The following ARHGAP15 variants were observed in gnomAD, a reference collection of about 807,000 sequenced individuals.
ARHGAP15 encodes rho GTPase-activating protein 15.
In ARHGAP15, 51 loss-of-function variants were observed where a neutral mutation model predicts 63.7. The observed-to-expected ratio is 0.80, with a 90% CI of 0.64 to 1.01. ARHGAP15 has a LOEUF of 1.01. Ranked by LOEUF, ARHGAP15 falls within the 50% of genes least tolerant of loss-of-function variation. The pLI is 0.00. For synonymous variants in ARHGAP15, 191 were observed against 193.8 expected, an observed-to-expected ratio of 0.99 and a Z score of 0.12; for missense variants, 560 against 564.6, an observed-to-expected ratio of 0.99 and a Z score of 0.08.
intron 8 of ARHGAP15, among the ~76,000 whole-genome samples, chr2:143,456,483 A>G (rs544319605): frequency 6.6e-6 from 1 of 152,230 alleles, no homozygotes; most frequent in Admixed American, 6.6e-5. Context: ...TCATAAAGTG[A>G]AAGCATTTCC....
chr2:143,611,062 C>T (rs1698236320), intron 11 of ARHGAP15, among the ~76,000 whole-genome samples: 1 of 152,120 alleles, frequency 6.6e-6, no homozygotes, highest in African/African-American at 2.4e-5. Flanking sequence ...CACTACTCCT[C>T]TAGAAACAAG....
intron 11 of ARHGAP15, among the ~76,000 whole-genome samples, chr2:143,606,524 T>A (rs1386266851): frequency 6.6e-6 from 1 of 152,224 alleles, no homozygotes; most frequent in African/African-American, 2.4e-5. Flanking sequence ...GATCTCTGCG[T>A]GCACTCAGCT....
At chr2:143,196,563 C>A (rs772644874) in intron 2 of ARHGAP15, among the ~76,000 whole-genome samples, 2 of 151,886 alleles carry the variant, frequency 1.3e-5, no homozygotes, top group Admixed American at 6.6e-5. Flanking sequence ...TCTTAATAAA[C>A]AGATCAGAGA....
chr2:143,277,861 CTG>C (rs1681638056), intron 6 of ARHGAP15, among the ~76,000 whole-genome samples: 1 of 152,032 alleles, frequency 6.6e-6, no homozygotes, highest in Admixed American at 6.6e-5. Flanking sequence ...TTTTTATACT[CTG>C]TGAGGAAATT....
intron 12 of ARHGAP15, among the ~76,000 whole-genome samples, chr2:143,693,265 G>GA (rs1390695759): frequency 2.6e-5 from 4 of 152,276 alleles, no homozygotes; most frequent in Non-Finnish European, 5.9e-5. Flanking sequence ...AGACCATTGA[G>GA]AAAATCCTCC....
At chr2:143,350,329 T>C (rs948087276) in intron 6 of ARHGAP15, among the ~76,000 whole-genome samples, 3 of 152,144 alleles carry the variant, frequency 2.0e-5, no homozygotes, top group Admixed American at 2.0e-4. Context: ...TTTCAACATC[T>C]GTAATAGTTA....
chr2:143,377,264 G>A (rs1686856006), intron 6 of ARHGAP15, among the ~76,000 whole-genome samples: 1 of 151,938 alleles, frequency 6.6e-6, no homozygotes, highest in Admixed American at 6.6e-5. Context: ...AAACTTTAGT[G>A]ATCATTTATT....
At chr2:143,613,836 C>T (rs1698355056) in intron 11 of ARHGAP15, among the ~76,000 whole-genome samples, 2 of 152,138 alleles carry the variant, frequency 1.3e-5, no homozygotes, top group Non-Finnish European at 1.5e-5. Context: ...GGACACACCA[C>T]CCCTCTTCTA....
At chr2:143,408,220 C>T (rs989055397) in intron 6 of ARHGAP15, among the ~76,000 whole-genome samples, 3 of 149,442 alleles carry the variant, frequency 2.0e-5, no homozygotes, top group African/African-American at 4.9e-5. Flanking sequence ...CTCCCTCTCT[C>T]CCTTCCTCCC....
chr2:143,341,143 A>T (rs1685041328), intron 6 of ARHGAP15, among the ~76,000 whole-genome samples: 1 of 152,070 alleles, frequency 6.6e-6, no homozygotes, highest in Non-Finnish European at 1.5e-5. Context: ...GTCCTGTCAC[A>T]TCATCCATTA....
At chr2:143,176,383 T>A (rs1406255543) in intron 2 of ARHGAP15, among the ~76,000 whole-genome samples, 1 of 152,150 alleles carries the variant, frequency 6.6e-6, no homozygotes, top group Non-Finnish European at 1.5e-5. Flanking sequence ...ATTTGCATCA[T>A]GTTATTAAAA....
Position 143,279,462 on chromosome 2 carries a change from C to CG in ARHGAP15, c.474+28865dup, listed in dbSNP as rs537220995. Among the ~76,000 whole-genome samples, 554 of 152,148 alleles carry CG rather than the reference C, an allele frequency of 3.6e-3. 3 individuals are homozygous for CG. The highest frequency in any genetic ancestry group is 0.012 in the African/African-American group (507 of 41,512). On this transcript the variant is annotated intron_variant, in intron 6 of 13. Coordinates refer to ENST00000295095, the MANE Select transcript of ARHGAP15 (RefSeq NM_018460.4). The stretch of plus-strand genomic sequence containing the variant: ...CATGACTGCATTGCAGAATGTGACC[C>CG]GGGCCTATTTTTGAGATCCTTTCCA...
intron 13 of ARHGAP15, among the ~76,000 whole-genome samples, chr2:143,745,173 A>G (rs1686114153): frequency 1.3e-5 from 2 of 152,168 alleles, no homozygotes; most frequent in Admixed American, 1.3e-4. Flanking sequence ...ATCCAGGAAT[A>G]CCTTTTGTTG....
At chr2:143,316,891 A>G (rs1166009246) in intron 6 of ARHGAP15, among the ~76,000 whole-genome samples, 4 of 152,302 alleles carry the variant, frequency 2.6e-5, no homozygotes, top group South Asian at 2.1e-4. Flanking sequence ...AGTCAAGCTC[A>G]GTGACTTCAA....
chr2:143,528,653 A>C (rs144376730), intron 10 of ARHGAP15, among the ~76,000 whole-genome samples: 29 of 152,094 alleles, frequency 1.9e-4, no homozygotes, highest in African/African-American at 6.5e-4. Flanking sequence ...AATGTTATTA[A>C]AATTGGACTG....
intron 13 of ARHGAP15, among the ~76,000 whole-genome samples, chr2:143,754,596 C>T (rs1686502618): frequency 6.6e-6 from 1 of 152,154 alleles, no homozygotes; most frequent in South Asian, 2.1e-4. Context: ...AGGTCTTCCC[C>T]AAAGAGAAGA....
chr2:143,348,523 G>C (rs1685405030), intron 6 of ARHGAP15, among the ~76,000 whole-genome samples: 1 of 151,996 alleles, frequency 6.6e-6, no homozygotes, highest in Admixed American at 6.6e-5. Flanking sequence ...TGTTAAACTG[G>C]TGCTTCATTA....
At chr2:143,429,788 C>A (rs1444346137) in intron 6 of ARHGAP15, among the ~76,000 whole-genome samples, 1 of 152,100 alleles carries the variant, frequency 6.6e-6, no homozygotes, top group Non-Finnish European at 1.5e-5. Context: ...GGTTCAACAT[C>A]TTTAGATATG....
intron 2 of ARHGAP15, among the ~76,000 whole-genome samples, chr2:143,187,372 A>G (rs1446881768): frequency 6.6e-6 from 1 of 152,212 alleles, no homozygotes; most frequent in Non-Finnish European, 1.5e-5. Flanking sequence ...TGAGTCTTCA[A>G]TCTGAAGCCT....
Sources: allele counts gnomAD v4.1 joint callset (sites outside exome capture counted in the v4.1 genomes callset), GRCh38; gene constraint gnomAD v4.1.1; transcripts MANE v1.5; gene names NCBI Gene and HGNC (gene_info 2026-07-23, HGNC 2026-07-21).